The following DYM variants were observed in gnomAD, a reference collection of about 807,000 sequenced individuals.
DYM encodes the protein dyggve-Melchior-Clausen syndrome protein.
DYM carries 78 observed loss-of-function variants against 93.1 expected under a neutral mutation model. The observed-to-expected ratio is 0.84, with a 90% CI of 0.70 to 1.01. The LOEUF (loss-of-function observed/expected upper bound fraction) is 1.01, where lower values mean the gene tolerates loss of function less well. Among genes scored for constraint, DYM ranks in the 50% least tolerant of loss-of-function variants. DYM has a pLI of 0.00. For missense variants in DYM, 789 were observed against 845.0 expected (o/e 0.93, Z 0.82); for synonymous variants, 321 against 319.7 (o/e 1.00, Z -0.04).
intron 16 of DYM, among the ~76,000 whole-genome samples, chr18:49,107,279 G>T (rs2080925214): frequency 6.6e-6 from 1 of 152,124 alleles, no homozygotes; most frequent in South Asian, 2.1e-4. Context: ...GGACTTCTGT[G>T]CATTGGTTAT....
At chr18:49,319,146 A>G (rs150011790) in intron 8 of DYM, among the ~76,000 whole-genome samples, 6 of 152,320 alleles carry the variant, frequency 3.9e-5, no homozygotes, top group Admixed American at 2.6e-4. Flanking sequence ...ACATTGTTGC[A>G]AAGCTTTACA....
At position 49,216,816 on chromosome 18, in the gene DYM, A is replaced by G. The variant is rs1033845902; in HGVS notation, c.1461-7101T>C. On this transcript the variant is annotated intron_variant, in intron 13 of 17. Transcript: ENST00000675505. Reference sequence around the variant, plus strand: ...ACAAAGATGGGGAAAAAACAGAGCAAAAAAACTGGAAACTCTAAAAAGCAG... The same window carrying G: ...ACAAAGATGGGGAAAAAACAGAGCAGAAAAACTGGAAACTCTAAAAAGCAG... 2.6e-5 allele frequency among the ~76,000 whole-genome samples: 4 copies of G among 152,178 alleles called. No individual in the cohort carries two copies. The East Asian group carries it at 7.7e-4, about 29-fold the overall frequency.
intron 16 of DYM, among the ~76,000 whole-genome samples, chr18:49,108,503 TG>T (rs1427008216): frequency 6.6e-6 from 1 of 152,250 alleles, no homozygotes; most frequent in Non-Finnish European, 1.5e-5. Context: ...TCGCTCACAC[TG>T]GGAGCTGTAG....
intron 2 of DYM, among the ~76,000 whole-genome samples, chr18:49,409,679 C>T (rs2071986063): frequency 6.6e-6 from 1 of 152,190 alleles, no homozygotes; most frequent in South Asian, 2.1e-4. Context: ...CATATGAAGC[C>T]TGTAGTTCAA....
At chr18:49,081,537 AGAGGGGAGAGGGGAGAGGGGAGAGGGG>A (rs2078028901) in intron 17 of DYM, among the ~76,000 whole-genome samples, 1 of 21,652 alleles carries the variant, frequency 4.6e-5, no homozygotes, top group Non-Finnish European at 1.4e-4. Context: ...GGGAGAGGGG[AGAGGGGAGAGGGGAGAGGGGAGAGGGG>A]AGAGGGGAGC....
chr18:49,152,396 T>C (rs1600173507), intron 15 of DYM, among the ~76,000 whole-genome samples: 2 of 152,232 alleles, frequency 1.3e-5, no homozygotes, highest in Admixed American at 1.3e-4. Context: ...TCTCAGGTCC[T>C]AGCCAAGTTA....
intron 6 of DYM, among the ~76,000 whole-genome samples, chr18:49,360,396 G>C (rs187926762): frequency 1.3e-5 from 2 of 151,880 alleles, no homozygotes; most frequent in East Asian, 1.9e-4. Context: ...AGGCCGAGGC[G>C]GGCAGATCAC....
At chr18:49,239,615 T>C (rs1346084617) in intron 13 of DYM, among the ~76,000 whole-genome samples, 1 of 152,132 alleles carries the variant, frequency 6.6e-6, no homozygotes, top group African/African-American at 2.4e-5. Context: ...TGCGTTGCGG[T>C]GAGGAGGCCA....
chr18:49,385,252 A>G (rs2068482011), intron 3 of DYM, among the ~76,000 whole-genome samples: 1 of 152,210 alleles, frequency 6.6e-6, no homozygotes, highest in South Asian at 2.1e-4. Flanking sequence ...CCCTTTATAA[A>G]GCTGGCAAAC....
At chr18:49,107,625 G>A (rs1336625171) in intron 16 of DYM, among the ~76,000 whole-genome samples, 1 of 152,202 alleles carries the variant, frequency 6.6e-6, no homozygotes, top group East Asian at 1.9e-4. Context: ...CCTTCTAACA[G>A]TCAGGACCCT....
chr18:49,324,500 C>T (rs1270486589), intron 8 of DYM, among the ~76,000 whole-genome samples: 2 of 152,188 alleles, frequency 1.3e-5, no homozygotes, highest in Non-Finnish European at 2.9e-5. Flanking sequence ...ATCTGTTTAA[C>T]AATCAAATTT....
chr18:49,384,490 G>A (rs2068382003), intron 3 of DYM, among the ~76,000 whole-genome samples: 1 of 151,840 alleles, frequency 6.6e-6, no homozygotes, highest in Admixed American at 6.6e-5. Flanking sequence ...GCCAGGCATG[G>A]TGGCGCATGC....
intron 11 of DYM, among the ~76,000 whole-genome samples, chr18:49,260,100 C>T (rs572143961): frequency 6.6e-6 from 1 of 152,214 alleles, no homozygotes; most frequent in African/African-American, 2.4e-5. Flanking sequence ...AGCAAAGTCG[C>T]TTAAGATTAT....
At chr18:49,203,268 A>C (rs28419024) in intron 14 of DYM, among the ~76,000 whole-genome samples, 1 of 31,162 alleles carries the variant, frequency 3.2e-5, no homozygotes, top group African/African-American at 7.8e-5. Context: ...CGCCCCGTCC[A>C]GGAGGTGAGG....
chr18:49,110,440 G>A (rs1457879245), intron 16 of DYM, among the ~76,000 whole-genome samples: 1 of 151,870 alleles, frequency 6.6e-6, no homozygotes, highest in Non-Finnish European at 1.5e-5. Flanking sequence ...TGTTTGAAAT[G>A]TCATTATTTT....
intron 10 of DYM, among the ~76,000 whole-genome samples, chr18:49,276,710 G>A (rs1490741807): frequency 6.6e-6 from 1 of 152,152 alleles, no homozygotes; most frequent in African/African-American, 2.4e-5. Flanking sequence ...TGTCTTGTTA[G>A]CCACGTTAAG....
intron 14 of DYM, among the ~76,000 whole-genome samples, chr18:49,197,962 G>A (rs890626669): frequency 2.3e-4 from 35 of 152,250 alleles, no homozygotes; most frequent in African/African-American, 7.9e-4. Context: ...GAGGCATCAC[G>A]CTACTTGACT....
intron 6 of DYM, among the ~76,000 whole-genome samples, chr18:49,334,406 G>A (rs138292619): frequency 2.0e-5 from 3 of 152,252 alleles, no homozygotes; most frequent in African/African-American, 7.2e-5. Flanking sequence ...GTTTTATTAA[G>A]CATATTTTGA....
intron 1 of DYM, among the ~76,000 whole-genome samples, chr18:49,437,009 G>C (rs1164739878): frequency 6.6e-6 from 1 of 151,672 alleles, no homozygotes; most frequent in Non-Finnish European, 1.5e-5. Context: ...ACCAGGTGAA[G>C]CAACAACGAG....
Sources: allele counts gnomAD v4.1 joint callset (sites outside exome capture counted in the v4.1 genomes callset), GRCh38; gene constraint gnomAD v4.1.1; transcripts MANE v1.5; gene names NCBI Gene and HGNC (gene_info 2026-07-23, HGNC 2026-07-21).